EMG1: variants seen among roughly 807,000 people sequenced by gnomAD.
The protein encoded by EMG1 is ribosomal RNA small subunit methyltransferase NEP1.
In EMG1, 24 loss-of-function variants were observed where a neutral mutation model predicts 26.9. The observed-to-expected ratio is 0.89, with a 90% CI of 0.65 to 1.26. The LOEUF (loss-of-function observed/expected upper bound fraction) is 1.26, where lower values mean the gene tolerates loss of function less well. Among genes scored for constraint, EMG1 ranks in the 50% most tolerant of loss-of-function variants. The probability of loss-of-function intolerance (pLI) is 0.00; values close to 1 mark genes in which losing one functional copy is unlikely to be tolerated. For missense variants in EMG1, 299 were observed against 307.6 expected (o/e 0.97, Z 0.21); for synonymous variants, 140 against 112.6 (o/e 1.24, Z -1.54).
chr12:6,995,834 C>T (rs185050684), intron 7 of EMG1, among the ~76,000 whole-genome samples: 15 of 152,202 alleles, frequency 9.9e-5, no homozygotes, highest in Non-Finnish European at 1.6e-4. Flanking sequence ...CACTTCTCTC[C>T]GCCTCTACTG....
chr12:6,979,281 G>T lies in EMG1; in HGVS notation c.*3472G>T. 1 of 598,446 alleles carries T rather than the reference G, an allele frequency of 1.7e-6. No individual in the cohort carries two copies. Among genetic ancestry groups the T allele is most frequent in the South Asian group, 2.0e-5 (1 of 49,844 alleles). The allele number at this position is 598,446 out of a possible 1,614,324, so 37.1% of individuals were successfully genotyped here. A position where few individuals can be genotyped will look rare whatever the true frequency, so the allele number is the denominator to read the frequency against. Reference sequence around the variant, plus strand: ...GCACCTGGCACAGCCCTGTGCCCGCGAAGGTTGTTCAGTGCTGGCTGATGA... The same window carrying T: ...GCACCTGGCACAGCCCTGTGCCCGCTAAGGTTGTTCAGTGCTGGCTGATGA... On this transcript the variant is annotated 3_prime_UTR_variant, in exon 6 of 6. Coordinates refer to ENST00000599672, the MANE Select transcript of EMG1 (RefSeq NM_006331.8).
In EMG1 at chr12:6,978,947, C is replaced by A; in HGVS notation, c.*3138C>A. ...ATTTAACTTCTCTACTGTTTGCCTT[C>A]GTTGGCAAAGTGTTTGGAATGAGCA... is the stretch of plus-strand genomic sequence containing the variant. On this transcript the variant is annotated 3_prime_UTR_variant, in exon 6 of 6. Coordinates refer to ENST00000599672, the MANE Select transcript of EMG1 (RefSeq NM_006331.8). The A allele has an allele frequency of 2.2e-6, 1 of 458,142 alleles. No individual in the cohort carries two copies. The allele number at this position is 458,142 out of a possible 1,614,324, so 28.4% of individuals were successfully genotyped here. A position where few individuals can be genotyped will look rare whatever the true frequency, so the allele number is the denominator to read the frequency against.
rs1946429018 is a variant in EMG1 at position 6,978,060 on chromosome 12, G to A, written c.*2251G>A. 26 of 558,830 alleles carry A rather than the reference G, an allele frequency of 4.7e-5. 1 individual carries two copies. The South Asian group carries it at 5.5e-4, about 12-fold the overall frequency. The allele number at this position is 558,830 out of a possible 1,614,324, so 34.6% of individuals were successfully genotyped here. A position where few individuals can be genotyped will look rare whatever the true frequency, so the allele number is the denominator to read the frequency against. ...CTAGTGGTGGGGACAAACAAGTAAA[G>A]CTGTTGATAAACAGGGCAGTGGAGG... On this transcript the variant is annotated 3_prime_UTR_variant, in exon 6 of 6. Transcript: ENST00000599672.
Position 6,975,760 on chromosome 12 carries a change from C to G in EMG1, c.686C>G (p.Thr229Ser), listed in dbSNP as rs782647932. 2.5e-6 allele frequency: 4 copies of G among 1,613,624 alleles called. No individual in the cohort carries two copies. Among genetic ancestry groups the G allele is most frequent in the African/African-American group, 1.3e-5 (1 of 75,034 alleles). The change falls in exon 6 of 6, where the codon ACC becomes AGC. Residue 229 changes from threonine to serine, a missense_variant. Transcript: ENST00000599672. ...ISNYPLSAAL[T>S]CAKLTTAFEE... ...AACTACCCCCTTTCTGCTGCCCTCA[C>G]CTGTGCAAAACTTACCACAGCCTTT...
chr12:6,986,529 A>C (rs1946527460), intron 6 of EMG1, among the ~76,000 whole-genome samples: 1 of 152,124 alleles, frequency 6.6e-6, no homozygotes, highest in Admixed American at 6.5e-5. Context: ...TCATGCCTGT[A>C]ATCTCAGCAC....
At chr12:6,996,944 G>A (rs1946641332) in intron 7 of EMG1, among the ~76,000 whole-genome samples, 1 of 151,858 alleles carries the variant, frequency 6.6e-6, no homozygotes, top group South Asian at 2.1e-4. Context: ...TTCAAGGGAG[G>A]AAAAATATTG....
Position 6,979,839 on chromosome 12 carries a change from C to T in EMG1, c.*4030C>T. ...GTGGACCAGTCTTGTGTTTACCCCT[C>T]AGGGATGCTACTGATCTCAAGGTCT... On this transcript the variant is annotated 3_prime_UTR_variant, in exon 6 of 6. Coordinates refer to ENST00000599672, the MANE Select transcript of EMG1 (RefSeq NM_006331.8). 2.1e-6 allele frequency: 1 copy of T among 474,780 alleles called. No homozygotes were observed. Among genetic ancestry groups the T allele is most frequent in the Non-Finnish European group, 3.8e-6 (1 of 262,448 alleles). 29.4% of individuals were successfully genotyped at this position (474,780 alleles called of 1,614,324 possible).
intron 1 of EMG1, among the ~76,000 whole-genome samples, chr12:6,973,281 C>T (rs1226696573): frequency 2.0e-5 from 3 of 152,120 alleles, no homozygotes; most frequent in Non-Finnish European, 2.9e-5. Context: ...CATCCTCCCA[C>T]CTTAGCCTCC....
chr12:6,972,470 A>C (rs782264146), intron 1 of EMG1, among the ~76,000 whole-genome samples: 7 of 152,222 alleles, frequency 4.6e-5, no homozygotes, highest in Non-Finnish European at 1.0e-4. Context: ...TTCCAGTGAT[A>C]CATAAAAACT....
rs1946431920 is a variant in EMG1 at position 6,978,252 on chromosome 12, TA to T, written c.*2444del. The T allele has an allele frequency of 7.0e-7, 1 of 1,435,816 alleles. No individual in the cohort carries two copies. Among genetic ancestry groups the T allele is most frequent in the Non-Finnish European group, 9.5e-7 (1 of 1,057,712 alleles). The allele number at this position is 1,435,816 out of a possible 1,614,324, so 88.9% of individuals were successfully genotyped here. ...GTTCTGCCCAGATGGGAAAGACGCA[TA>T]GGGGTGACATGGTACACCCCTGCCC... On this transcript the variant is annotated 3_prime_UTR_variant, in exon 6 of 6. Coordinates refer to ENST00000599672, the MANE Select transcript of EMG1 (RefSeq NM_006331.8).
chr12:6,982,829 G>A (rs782661840), downstream of EMG1: 27 of 1,247,626 alleles, frequency 2.2e-5, no homozygotes, highest in Admixed American at 1.0e-4. Flanking sequence ...CACTCCCACC[G>A]TCCTGAGACT....
rs781810949 is a variant in EMG1 at position 6,978,663 on chromosome 12, C to T, written c.*2854C>T. 3.1e-6 allele frequency: 5 copies of T among 1,614,216 alleles called. No homozygotes were observed. Among genetic ancestry groups the T allele is most frequent in the Middle Eastern group, 1.6e-4 (1 of 6,062 alleles). On this transcript the variant is annotated 3_prime_UTR_variant, in exon 6 of 6. Transcript: ENST00000599672. ...CAAACTTGCCCCAGATCAGCATGTA[C>T]ATGCAGCGGAACCAGAAGGGGTGGT...
chr12:6,989,578 G>A (rs1555155220), downstream of EMG1, among the ~76,000 whole-genome samples: 6 of 152,184 alleles, frequency 3.9e-5, 1 homozygote, highest in Non-Finnish European at 1.5e-5. Context: ...GATTACAAGC[G>A]TGAGTCACCG....
downstream of EMG1, among the ~76,000 whole-genome samples, chr12:6,982,350 T>C (rs1555154216): frequency 6.6e-6 from 1 of 152,178 alleles, no homozygotes; most frequent in Admixed American, 6.5e-5. Flanking sequence ...AGGCTTAGGT[T>C]CTTTAACTCA....
At chr12:6,990,530 T>TA (rs782760407), downstream of EMG1, among the ~76,000 whole-genome samples, 5 of 114,952 alleles carry the variant, frequency 4.3e-5, no homozygotes, top group East Asian at 2.1e-4. Flanking sequence ...TAAAATAAAA[T>TA]AAATAAATAA....
downstream of EMG1, chr12:6,981,721 C>CGG: frequency 6.8e-6 from 1 of 146,924 alleles, no homozygotes; most frequent in Non-Finnish European, 1.4e-5. Context: ...AAGTGTATGG[C>CGG]GGGGGGCGGA....
chr12:6,977,507 C>G lies in EMG1; in HGVS notation c.*1698C>G. ...GCCAGCTTGCTCAGGGTGGGGCTCTCTTGAATGAGCCTGGCAGCCTGGGGA... is the reference window on the plus strand; with the variant it reads ...GCCAGCTTGCTCAGGGTGGGGCTCTGTTGAATGAGCCTGGCAGCCTGGGGA... On this transcript the variant is annotated 3_prime_UTR_variant, in exon 6 of 6. Transcript: ENST00000599672. This position sits in a 1 kb window ranked among gnomAD's most constrained non-coding sequence, Gnocchi z 4.5. 1 of 1,614,198 alleles carries G rather than the reference C, an allele frequency of 6.2e-7. No homozygotes were observed. Among genetic ancestry groups the G allele is most frequent in the Non-Finnish European group, 8.5e-7 (1 of 1,180,028 alleles).
At position 6,978,704 on chromosome 12, in the gene EMG1, G is replaced by A; in HGVS notation, c.*2895G>A. 1.2e-6 allele frequency: 2 copies of A among 1,613,942 alleles called. No individual in the cohort carries two copies. The highest frequency in any genetic ancestry group is 8.5e-7 in the Non-Finnish European group (1 of 1,179,924). The stretch of plus-strand genomic sequence containing the variant: ...AAGGGGTGGTTCTTGAGGGAAGAAA[G>A]CACAGTGCATTAGGGATATCACATG... On this transcript the variant is annotated 3_prime_UTR_variant, in exon 6 of 6. Transcript: ENST00000599672.
At position 6,979,417 on chromosome 12, in the gene EMG1, T is replaced by C; in HGVS notation, c.*3608T>C. 1 of 1,314,950 alleles carries C rather than the reference T, an allele frequency of 7.6e-7. No individual in the cohort carries two copies. The highest frequency in any genetic ancestry group is 1.1e-6 in the Non-Finnish European group (1 of 909,094). 81.5% of individuals were successfully genotyped at this position (1,314,950 alleles called of 1,614,324 possible). A position where few individuals can be genotyped will look rare whatever the true frequency, so the allele number is the denominator to read the frequency against. On this transcript the variant is annotated 3_prime_UTR_variant, in exon 6 of 6. Transcript: ENST00000599672. ...TGCTATCTGTAGGGATCCTTGCCTG[T>C]CCATTTTCTAGCTCTGGTGCAGTCA...
Sources: gnomAD v4.1 joint callset for allele counts (sites outside exome capture counted in the v4.1 genomes callset) on GRCh38, gnomAD v4.1.1 for gene constraint, Gnocchi (gnomAD v3.1) non-coding constraint, MANE v1.5 for transcripts, NCBI Gene and HGNC (gene_info 2026-07-23, HGNC 2026-07-21) for gene names.